The following MTBP variants were observed in gnomAD, a reference collection of about 807,000 sequenced individuals.
The protein encoded by MTBP is mdm2-binding protein.
In MTBP, 101 loss-of-function variants were observed where a neutral mutation model predicts 117.0. That is an observed-to-expected ratio of 0.86 (90% CI 0.73 to 1.02). The LOEUF (loss-of-function observed/expected upper bound fraction) is 1.02, where lower values mean the gene tolerates loss of function less well. MTBP is among the 50% of genes least tolerant of loss of function. The pLI, the probability that MTBP is intolerant of heterozygous loss-of-function variation, is 0.00. For synonymous variants in MTBP, 350 were observed against 351.5 expected (o/e 1.00, Z 0.05); for missense variants, 970 against 1,030.9 (o/e 0.94, Z 0.81).
At chr8:120,483,934 T>C (rs927064798) in intron 11 of MTBP, among the ~76,000 whole-genome samples, 1 of 152,130 alleles carries the variant, frequency 6.6e-6, no homozygotes, top group Non-Finnish European at 1.5e-5. Flanking sequence ...TGTTACTCTC[T>C]GTGGCATTTA....
intron 13 of MTBP, among the ~76,000 whole-genome samples, chr8:120,496,328 G>A (rs1430758075): frequency 1.3e-5 from 2 of 152,164 alleles, no homozygotes; most frequent in Non-Finnish European, 2.9e-5. Context: ...ATAAAGAGCT[G>A]CCTCTCCCCC....
intron 15 of MTBP, among the ~76,000 whole-genome samples, chr8:120,504,554 T>C (rs1814654967): frequency 6.6e-6 from 1 of 152,124 alleles, no homozygotes; most frequent in Non-Finnish European, 1.5e-5. Context: ...ATAAGTATTT[T>C]ATTTTGTCTC....
chr8:120,487,061 A>G (rs1416263671), intron 11 of MTBP, among the ~76,000 whole-genome samples: 2 of 152,178 alleles, frequency 1.3e-5, no homozygotes. Flanking sequence ...ATTCACTTTG[A>G]TTCCCTGATA....
intron 17 of MTBP, among the ~76,000 whole-genome samples, chr8:120,514,982 G>A (rs1814890352): frequency 6.6e-6 from 1 of 151,966 alleles, no homozygotes; most frequent in African/African-American, 2.4e-5. Flanking sequence ...AAATATGTAA[G>A]TGTCACAAGG....
intron 15 of MTBP, among the ~76,000 whole-genome samples, chr8:120,504,270 G>A (rs1315710179): frequency 6.6e-6 from 1 of 152,086 alleles, no homozygotes; most frequent in Admixed American, 6.6e-5. Context: ...AATTTTAGAT[G>A]ATATCTTATA....
intron 11 of MTBP, among the ~76,000 whole-genome samples, chr8:120,481,055 C>T (rs73315188): frequency 0.015 from 2,340 of 152,186 alleles, 68 homozygotes; most frequent in African/African-American, 0.053. Context: ...AGAAGATACA[C>T]GAATAACTAG....
At chr8:120,506,428 G>A (rs79640315) in intron 15 of MTBP, among the ~76,000 whole-genome samples, 2,087 of 152,184 alleles carry the variant, frequency 0.014, 43 homozygotes, top group African/African-American at 0.046. Context: ...ATGTAATTAT[G>A]TTTCTTTTAA....
At chr8:120,509,171 C>G (rs1025419055) in intron 16 of MTBP, among the ~76,000 whole-genome samples, 32 of 152,126 alleles carry the variant, frequency 2.1e-4, no homozygotes, top group African/African-American at 7.7e-4. Flanking sequence ...ATCTGGGTCC[C>G]ACGTGTTTTA....
At chr8:120,519,643 C>CAAA (rs1176268738) in intron 20 of MTBP, among the ~76,000 whole-genome samples, 2 of 151,958 alleles carry the variant, frequency 1.3e-5, no homozygotes, top group African/African-American at 2.4e-5. Flanking sequence ...TGAACAATAA[C>CAAA]AAAAAAGCAC....
intron 9 of MTBP, among the ~76,000 whole-genome samples, chr8:120,461,914 C>G (rs1388366735): frequency 6.6e-6 from 1 of 152,088 alleles, no homozygotes; most frequent in Non-Finnish European, 1.5e-5. Context: ...TTATGTCAGC[C>G]TAAATCAAAA....
intron 11 of MTBP, among the ~76,000 whole-genome samples, chr8:120,487,159 G>T (rs1814238565): frequency 6.6e-6 from 1 of 152,164 alleles, no homozygotes; most frequent in Admixed American, 6.5e-5. Flanking sequence ...CTAATCTTCT[G>T]ACAGTCATTT....
At chr8:120,481,513 A>C (rs1240402673) in intron 11 of MTBP, among the ~76,000 whole-genome samples, 1 of 152,230 alleles carries the variant, frequency 6.6e-6, no homozygotes, top group Non-Finnish European at 1.5e-5. Flanking sequence ...AGTGTACCTG[A>C]AAAACATTGT....
At chr8:120,479,600 A>G (rs1460603522) in intron 11 of MTBP, among the ~76,000 whole-genome samples, 1 of 152,198 alleles carries the variant, frequency 6.6e-6, no homozygotes, top group African/African-American at 2.4e-5. Context: ...AGTCCACTAA[A>G]TGAATCTCAG....
chr8:120,445,665 C>T, intron 1 of MTBP, 77 bp downstream of exon 1: 2 of 1,169,670 alleles, frequency 1.7e-6, no homozygotes, highest in South Asian at 1.4e-5. Context: ...TCAAGTTCTG[C>T]TGAAGAGGGA....
intron 10 of MTBP, among the ~76,000 whole-genome samples, chr8:120,466,587 T>A (rs1234187067): frequency 6.6e-6 from 1 of 151,770 alleles, no homozygotes; most frequent in Non-Finnish European, 1.5e-5. Context: ...ATAACTTGGG[T>A]TTCAGCTGGG....
At position 120,518,734 on chromosome 8, in the gene MTBP, A is replaced by G; in HGVS notation, c.2527A>G (p.Lys843Glu). The G allele has an allele frequency of 6.2e-7, 1 of 1,611,084 alleles. No homozygotes were observed. Among genetic ancestry groups the G allele is most frequent in the Non-Finnish European group, 8.5e-7 (1 of 1,178,294 alleles). ...ILKEVVTETL[K>E]KHSITETHEC... ...GAAAGAAGTAGTTACTGAAACCCTG[A>G]AGAAACACAGTATTACCGAGACTCA... The change falls in exon 20 of 22, where the codon AAG becomes GAG. Residue 843 changes from lysine to glutamate, a missense_variant. Lys to Glu is a moderately conservative substitution (Grantham distance 56, BLOSUM62 1). Coordinates refer to ENST00000305949, the MANE Select transcript of MTBP (RefSeq NM_022045.5).
chr8:120,523,521 AT>A lies in MTBP; in HGVS notation c.*190del, dbSNP rs1209250104. ...AGTTTGAGGGATGCTATGTTAATGT[AT>A]TTTTAATTAGATACATATTTTGTAA... is the stretch of plus-strand genomic sequence containing the variant. On this transcript the variant is annotated 3_prime_UTR_variant, in exon 22 of 22. Transcript: ENST00000305949. 1 of 327,650 alleles carries A rather than the reference AT, an allele frequency of 3.1e-6. No homozygotes were observed. Among genetic ancestry groups the A allele is most frequent in the African/African-American group, 2.1e-5 (1 of 46,778 alleles). 20.3% of individuals were successfully genotyped at this position (327,650 alleles called of 1,614,324 possible).
intron 21 of MTBP, 144 bp downstream of exon 21, chr8:120,522,863 A>T: frequency 1.6e-6 from 1 of 608,414 alleles, no homozygotes; most frequent in Non-Finnish European, 2.8e-6. Context: ...AAGAAACTTC[A>T]TAGGCTTATT....
At chr8:120,481,445 A>T (rs1362799486) in intron 11 of MTBP, among the ~76,000 whole-genome samples, 3 of 99,942 alleles carry the variant, frequency 3.0e-5, no homozygotes, top group African/African-American at 7.9e-5. Flanking sequence ...TGGTGAAGAG[A>T]TCATTTTTTT....
Sources: allele counts gnomAD v4.1 joint callset (sites outside exome capture counted in the v4.1 genomes callset), GRCh38; gene constraint gnomAD v4.1.1; transcripts MANE v1.5; gene names NCBI Gene and HGNC (gene_info 2026-07-23, HGNC 2026-07-21).